Variants in ANK3 observed in about 807,000 individuals in gnomAD.
ANK3 encodes ankyrin 3, also known as ankyrin-3.
A neutral mutation model predicts 370.9 loss-of-function variants in ANK3; 57 were observed. The ratio of observed to expected loss-of-function variants is 0.15; its 90% CI spans 0.12 to 0.19. The LOEUF is 0.19. ANK3 is among the 10% of genes least tolerant of loss of function. The probability of loss-of-function intolerance (pLI) is 1.00; values close to 1 mark genes in which losing one functional copy is unlikely to be tolerated. For synonymous variants in ANK3, 1,929 were observed against 1,946.3 expected (o/e 0.99, Z 0.23); for missense variants, 4,439 against 5,302.1 (o/e 0.84, Z 5.06).
At chr10:60,201,644 G>T (rs2096675445) in intron 12 of ANK3, among the ~76,000 whole-genome samples, 1 of 151,938 alleles carries the variant, frequency 6.6e-6, no homozygotes. Flanking sequence ...GAATTCCATG[G>T]GTTTGCTATA....
At chr10:60,648,789 T>C (rs1377938456) in intron 1 of ANK3, among the ~76,000 whole-genome samples, 1 of 76,012 alleles carries the variant, frequency 1.3e-5, no homozygotes, top group Non-Finnish European at 3.0e-5. Context: ...AAAAAAATTC[T>C]TGCTGGGAGT....
intron 1 of ANK3, among the ~76,000 whole-genome samples, chr10:60,379,995 A>G (rs149574205): frequency 5.9e-5 from 9 of 151,576 alleles, no homozygotes; most frequent in East Asian, 5.8e-4. Flanking sequence ...ATTAAAAAAA[A>G]TCGAAGAACC....
At chr10:60,558,713 T>A (rs187801880) in intron 2 of ANK3, among the ~76,000 whole-genome samples, 1 of 152,324 alleles carries the variant, frequency 6.6e-6, no homozygotes. Flanking sequence ...AAGAACTATC[T>A]CTGCCAACTT....
At chr10:60,500,265 T>C (rs1238626680) in intron 2 of ANK3, among the ~76,000 whole-genome samples, 1 of 152,194 alleles carries the variant, frequency 6.6e-6, no homozygotes, top group Non-Finnish European at 1.5e-5. Flanking sequence ...ATAAGAATTA[T>C]TCATCTGGGC....
chr10:60,423,004 T>G (rs575049546), intron 2 of ANK3, among the ~76,000 whole-genome samples: 1 of 152,184 alleles, frequency 6.6e-6, no homozygotes, highest in Admixed American at 6.6e-5. Flanking sequence ...GATAGTTCTG[T>G]GTACTGAAGG....
At chr10:60,452,530 T>A (rs1032614941) in intron 2 of ANK3, among the ~76,000 whole-genome samples, 1 of 152,148 alleles carries the variant, frequency 6.6e-6, no homozygotes, top group African/African-American at 2.4e-5. Flanking sequence ...TCCCCTTCGA[T>A]TGCCTTAAAA....
At chr10:60,127,899 G>A (rs372659835) in intron 25 of ANK3, among the ~76,000 whole-genome samples, 8 of 151,726 alleles carry the variant, frequency 5.3e-5, no homozygotes, top group Non-Finnish European at 8.8e-5. Context: ...GGGTTTCACC[G>A]TGTTAGCCAG....
intron 1 of ANK3, among the ~76,000 whole-genome samples, chr10:60,687,503 C>T (rs183746228): frequency 2.7e-5 from 4 of 150,808 alleles, no homozygotes; most frequent in Admixed American, 6.6e-5. Flanking sequence ...AATGAGATAC[C>T]GCCTCACATG....
intron 5 of ANK3, among the ~76,000 whole-genome samples, chr10:60,268,397 T>C (rs182843356): frequency 9.8e-5 from 15 of 152,302 alleles, no homozygotes; most frequent in African/African-American, 3.6e-4. Context: ...CATTTTCCTA[T>C]ATCAGTACAT....
intron 7 of ANK3, among the ~76,000 whole-genome samples, chr10:60,249,604 T>C (rs1296036469): frequency 1.3e-5 from 2 of 152,190 alleles, no homozygotes; most frequent in African/African-American, 4.8e-5. Flanking sequence ...GTTTCAAACA[T>C]GTCAAGAAAT....
intron 38 of ANK3, among the ~76,000 whole-genome samples, chr10:60,064,682 C>CAAT (rs772936289): frequency 0.032 from 4,932 of 151,772 alleles, 127 homozygotes; most frequent in African/African-American, 0.062. Flanking sequence ...GCAACAACAA[C>CAAT]AACAACAACA....
chr10:60,450,280 A>G (rs2064563743), intron 2 of ANK3, among the ~76,000 whole-genome samples: 1 of 152,178 alleles, frequency 6.6e-6, no homozygotes, highest in African/African-American at 2.4e-5. Context: ...CCTGGGTGAC[A>G]GCGGGAGGCC....
chr10:60,235,111 T>C (rs2097308457), intron 7 of ANK3, among the ~76,000 whole-genome samples: 1 of 152,248 alleles, frequency 6.6e-6, no homozygotes, highest in Non-Finnish European at 1.5e-5. Context: ...ATTTGAGTGA[T>C]ACATACTGGC....
chr10:60,163,659 A>G (rs930728158), intron 23 of ANK3, among the ~76,000 whole-genome samples: 1 of 152,184 alleles, frequency 6.6e-6, no homozygotes, highest in African/African-American at 2.4e-5. Context: ...ACTACTCTTG[A>G]CATTTCTTCC....
At chr10:60,279,972 C>A (rs2098138216) in intron 1 of ANK3, among the ~76,000 whole-genome samples, 1 of 152,006 alleles carries the variant, frequency 6.6e-6, no homozygotes, top group African/African-American at 2.4e-5. Context: ...TTATGAAGAC[C>A]CCACTATTTT....
At position 60,071,213 on chromosome 10, in the gene ANK3, A is replaced by T. The variant is rs2082624697; in HGVS notation, c.9668T>A (p.Val3223Glu). Residue 3223 changes from valine (V) to glutamate (E), a missense_variant, in exon 37 of 44, where the codon GTG becomes GAG. Physicochemically the swap from Val to Glu is moderately radical, Grantham distance 121. This residue lies in a region of ANK3 where 1,601 missense variants were observed against 1,731.7 expected (regional missense o/e 0.92). Coordinates refer to ENST00000280772, the MANE Select transcript of ANK3 (RefSeq NM_020987.5). ...TTCACGCTCAACTGCTGTTTCCTCC[A>T]CTGTAGTCTGCTTAAGGGAGGTTGA... is the stretch of plus-strand genomic sequence containing the variant. ...AKSTSLKQTT[V>E]EETAVEREMP... 2 of 1,614,086 alleles carry T rather than the reference A, an allele frequency of 1.2e-6. No individual in the cohort carries two copies.
intron 8 of ANK3, among the ~76,000 whole-genome samples, chr10:60,217,214 G>T (rs1190423163): frequency 6.6e-6 from 1 of 152,034 alleles, no homozygotes; most frequent in East Asian, 1.9e-4. Context: ...CAAAAAAACA[G>T]TGCCTGGGTT....
At chr10:60,154,856 C>T (rs1404161916) in intron 23 of ANK3, among the ~76,000 whole-genome samples, 4 of 134,232 alleles carry the variant, frequency 3.0e-5, no homozygotes, top group East Asian at 2.3e-4. Flanking sequence ...TACACTGATA[C>T]GTTTACTAAA....
At chr10:60,269,417 G>A (rs994688479) in intron 5 of ANK3, among the ~76,000 whole-genome samples, 4 of 152,070 alleles carry the variant, frequency 2.6e-5, no homozygotes, top group Non-Finnish European at 5.9e-5. Context: ...AGGCCGAGGC[G>A]GGTGGATCAC....
Sources: gnomAD v4.1 joint callset for allele counts (sites outside exome capture counted in the v4.1 genomes callset) on GRCh38, gnomAD v4.1.1 for gene constraint, gnomAD v4.1.1 regional missense constraint, MANE v1.5 for transcripts, NCBI Gene and HGNC (gene_info 2026-07-23, HGNC 2026-07-21) for gene names.